The following EYS variants were observed in gnomAD, a reference collection of about 807,000 sequenced individuals.
The protein encoded by EYS is protein eyes shut homolog.
EYS carries 250 observed loss-of-function variants against 282.1 expected under a neutral mutation model. The ratio of observed to expected loss-of-function variants is 0.89; its 90% confidence interval spans 0.80 to 0.98. EYS has a LOEUF of 0.98. Among genes scored for constraint, EYS ranks in the 50% least tolerant of loss-of-function variants. The pLI is 0.00. For synonymous variants in EYS, 1,355 were observed against 1,282.9 expected (o/e 1.06, Z -1.20); for missense variants, 4,016 against 3,709.0 (o/e 1.08, Z -2.15).
At chr6:65,375,492 T>A (rs1026389544) in intron 8 of EYS, among the ~76,000 whole-genome samples, 3 of 151,940 alleles carry the variant, frequency 2.0e-5, no homozygotes, top group Non-Finnish European at 4.4e-5. Context: ...CTCCAAATGA[T>A]CACGACTCCT....
intron 22 of EYS, among the ~76,000 whole-genome samples, chr6:64,785,187 C>T (rs963876753): frequency 6.6e-6 from 1 of 152,202 alleles, no homozygotes; most frequent in Non-Finnish European, 1.5e-5. Flanking sequence ...GCCAGCGTTT[C>T]AGCTAAAATA....
At chr6:63,971,993 T>C (rs1219613893) in intron 35 of EYS, among the ~76,000 whole-genome samples, 1 of 152,228 alleles carries the variant, frequency 6.6e-6, no homozygotes, top group Non-Finnish European at 1.5e-5. Context: ...AGAAGTCTTC[T>C]AAAAGTAGAA....
intron 1 of EYS, among the ~76,000 whole-genome samples, chr6:65,673,315 C>T (rs1353705432): frequency 6.6e-6 from 1 of 151,818 alleles, no homozygotes; most frequent in Non-Finnish European, 1.5e-5. Context: ...AGAGATTAAG[C>T]CGAAGGAAGA....
At chr6:65,153,212 G>A (rs1418114285) in intron 12 of EYS, among the ~76,000 whole-genome samples, 1 of 151,820 alleles carries the variant, frequency 6.6e-6, no homozygotes, top group South Asian at 2.1e-4. Context: ...CAGGAGCTGA[G>A]GGTGGCCATG....
intron 2 of EYS, among the ~76,000 whole-genome samples, chr6:65,562,099 A>T (rs935500652): frequency 2.6e-5 from 4 of 151,876 alleles, no homozygotes; most frequent in African/African-American, 9.7e-5. Context: ...CACATATAGC[A>T]TGCATGTTTA....
chr6:64,805,451 A>G (rs1764395412), intron 22 of EYS, among the ~76,000 whole-genome samples: 1 of 151,992 alleles, frequency 6.6e-6, no homozygotes, highest in South Asian at 2.1e-4. Context: ...CTAGAAAATA[A>G]TCTAGATTTA....
chr6:64,880,041 G>A (rs189177637), intron 19 of EYS, among the ~76,000 whole-genome samples: 6 of 151,974 alleles, frequency 3.9e-5, no homozygotes, highest in East Asian at 3.9e-4. Context: ...CAGAGCTGTC[G>A]CTGGTATAAC....
chr6:64,382,719 G>A (rs998586876), intron 29 of EYS, among the ~76,000 whole-genome samples: 2 of 152,218 alleles, frequency 1.3e-5, no homozygotes, highest in African/African-American at 4.8e-5. Flanking sequence ...AGGTCCGAAG[G>A]ATGTTGAAAA....
chr6:64,614,531 A>G (rs1176031183), intron 24 of EYS, among the ~76,000 whole-genome samples: 5 of 152,114 alleles, frequency 3.3e-5, no homozygotes, highest in African/African-American at 1.2e-4. Flanking sequence ...AACCTTAACA[A>G]TGATGACCAA....
intron 35 of EYS, among the ~76,000 whole-genome samples, chr6:63,888,795 G>T (rs938110198): frequency 2.0e-5 from 3 of 152,206 alleles, no homozygotes; most frequent in Middle Eastern, 3.2e-3. Flanking sequence ...TGAGTTTGAC[G>T]GATTGACAGA....
chr6:64,352,384 C>T (rs114941584), intron 29 of EYS, among the ~76,000 whole-genome samples: 2,365 of 151,450 alleles, frequency 0.016, 20 homozygotes, highest in South Asian at 0.034. Context: ...TATACCAGGC[C>T]CTTAAGTGTT....
intron 2 of EYS, among the ~76,000 whole-genome samples, chr6:65,552,421 A>C (rs888382023): frequency 2.6e-5 from 4 of 152,210 alleles, no homozygotes; most frequent in African/African-American, 9.6e-5. Flanking sequence ...AAAATCTTGT[A>C]ATCATTATAC....
intron 9 of EYS, among the ~76,000 whole-genome samples, chr6:65,348,003 T>C (rs1262179235): frequency 6.6e-6 from 1 of 151,714 alleles, no homozygotes; most frequent in Non-Finnish European, 1.5e-5. Flanking sequence ...GCCTGGCTTA[T>C]TTCACTTAAC....
At chr6:65,385,484 T>A (rs1765765566) in intron 7 of EYS, among the ~76,000 whole-genome samples, 1 of 151,954 alleles carries the variant, frequency 6.6e-6, no homozygotes, top group Non-Finnish European at 1.5e-5. Context: ...ATATCAGAAA[T>A]AATCATCCAC....
intron 22 of EYS, among the ~76,000 whole-genome samples, chr6:64,652,617 T>C (rs1227275078): frequency 6.6e-6 from 1 of 152,340 alleles, no homozygotes; most frequent in East Asian, 1.9e-4. Flanking sequence ...CCTGAACTTC[T>C]AGTCTACAAA....
At chr6:64,163,249 A>C (rs1210930869) in intron 31 of EYS, among the ~76,000 whole-genome samples, 2 of 152,118 alleles carry the variant, frequency 1.3e-5, no homozygotes, top group Admixed American at 6.6e-5. Context: ...AATACTACAT[A>C]ATATTATTTT....
intron 8 of EYS, among the ~76,000 whole-genome samples, chr6:65,357,051 T>A (rs1401447237): frequency 6.6e-6 from 1 of 151,980 alleles, no homozygotes; most frequent in African/African-American, 2.4e-5. Flanking sequence ...TTGGGAGGAA[T>A]TAGATGCATC....
At chr6:65,453,187 CTATT>C (rs1377682210) in intron 5 of EYS, among the ~76,000 whole-genome samples, 2 of 151,934 alleles carry the variant, frequency 1.3e-5, no homozygotes, top group African/African-American at 2.4e-5. Context: ...GTGTATTTAA[CTATT>C]TATGTATTTA....
At chr6:64,033,759 G>A (rs1177772850) in intron 33 of EYS, among the ~76,000 whole-genome samples, 1 of 151,774 alleles carries the variant, frequency 6.6e-6, no homozygotes, top group African/African-American at 2.4e-5. Flanking sequence ...ATTCAAACTA[G>A]TTATGTTGAT....
Sources: allele counts gnomAD v4.1 joint callset (sites outside exome capture counted in the v4.1 genomes callset), GRCh38; gene constraint gnomAD v4.1.1; transcripts MANE v1.5; gene names NCBI Gene and HGNC (gene_info 2026-07-23, HGNC 2026-07-21).